Variants in TEP1 observed in about 807,000 individuals in gnomAD.
The protein encoded by TEP1 is telomerase associated protein 1.
A neutral mutation model predicts 306.3 loss-of-function variants in TEP1; 241 were observed. The ratio of observed to expected loss-of-function variants is 0.79; its 90% confidence interval spans 0.71 to 0.88. The LOEUF is 0.88. Ranked by LOEUF, TEP1 falls within the 40% of genes least tolerant of loss-of-function variation. The pLI is 0.00. For synonymous variants in TEP1, 1,289 were observed against 1,305.5 expected (o/e 0.99, Z 0.27); for missense variants, 3,051 against 3,276.1 (o/e 0.93, Z 1.68).
At position 20,396,616 on chromosome 14, in the gene TEP1, C is replaced by A; in HGVS notation, c.1659+5G>T. ...GCCCCATGGCTACCAGCCCCTCACACATACCGCATGCTGGAGTCTCTGGAG... is the reference window on the plus strand; with the variant it reads ...GCCCCATGGCTACCAGCCCCTCACAAATACCGCATGCTGGAGTCTCTGGAG... On this transcript the variant is annotated splice_donor_5th_base_variant and intron_variant, in intron 10 of 54. Coordinates refer to ENST00000262715, the MANE Select transcript of TEP1 (RefSeq NM_007110.5). The A allele has an allele frequency of 6.2e-7, 1 of 1,604,242 alleles. No homozygotes were observed. The highest frequency in any genetic ancestry group is 8.5e-7 in the Non-Finnish European group (1 of 1,171,968).
In TEP1 at chr14:20,380,917, G is replaced by A. The variant is rs1294943646; in HGVS notation, c.4762+14C>T. 1 of 1,607,188 alleles carries A rather than the reference G, an allele frequency of 6.2e-7. No homozygotes were observed. The highest frequency in any genetic ancestry group is 8.5e-7 in the Non-Finnish European group (1 of 1,173,878). On this transcript the variant is annotated intron_variant, in intron 33 of 54. Coordinates refer to ENST00000262715, the MANE Select transcript of TEP1 (RefSeq NM_007110.5). ...CATATCTCAGAGAAGAACCCAGCCA[G>A]TGACTCATCTCACCATAGAGGGCAT...
At position 20,381,629 on chromosome 14, in the gene TEP1, C is replaced by G. The variant is rs1382311386; in HGVS notation, c.4482G>C (p.Gly1494=). The stretch of plus-strand genomic sequence containing the variant: ...AACGTTTAGCTGCTGTTCTCAGGGG[C>G]CCATCAGGGAGGCACAGCCGGGCAC... ...RPGARLCLPD[G]PLRTAAKRCY... is the part of the protein sequence containing the mutation. The change falls in exon 31 of 55, where the codon GGG becomes GGC. Residue 1494 remains glycine (G), a synonymous_variant. Transcript: ENST00000262715. The surrounding 1 kb of genome is among the most constrained non-coding windows in gnomAD (Gnocchi z 4.0). The G allele has an allele frequency of 1.2e-6, 2 of 1,613,910 alleles. No individual in the cohort carries two copies. Among genetic ancestry groups the G allele is most frequent in the Non-Finnish European group, 1.7e-6 (2 of 1,179,958 alleles).
Position 20,407,616 on chromosome 14 carries a change from C to T in TEP1, c.567+257G>A, listed in dbSNP as rs368511489. 2.6e-5 allele frequency among the ~76,000 whole-genome samples: 4 copies of T among 152,360 alleles called. No individual in the cohort carries two copies. The East Asian group carries it at 5.8e-4, about 22-fold the overall frequency. On this transcript the variant is annotated intron_variant, in intron 2 of 54. Transcript: ENST00000262715. Reference sequence around the variant, plus strand: ...TTGGCCTCCCAAAGTGCTGGGATTACAGGCATGAGCCACCGCACCCAGCCA... The same window carrying T: ...TTGGCCTCCCAAAGTGCTGGGATTATAGGCATGAGCCACCGCACCCAGCCA...
At chr14:20,371,743 C>T in intron 49 of TEP1, 111 bp from the exon 50 acceptor site, 1 of 1,272,402 alleles carries the variant, frequency 7.9e-7, no homozygotes, top group Non-Finnish European at 1.1e-6. Flanking sequence ...CAAAATGTAT[C>T]ACCTTCCCTG....
In TEP1 at chr14:20,411,858, A is replaced by G. The variant is rs143540555; in HGVS notation, c.-25+1547T>C. 4.2e-3 allele frequency among the ~76,000 whole-genome samples: 641 copies of G among 152,188 alleles called. 9 individuals carry two copies. Among genetic ancestry groups the G allele is most frequent in the African/African-American group, 0.015 (609 of 41,520 alleles). ...CTGGGTGTGGTGGCTCACACCTGTA[A>G]TCCTAGCATTTTGGGAGGCTGAGGT... is the stretch of plus-strand genomic sequence containing the variant. On this transcript the variant is annotated intron_variant, in intron 1 of 54. Transcript: ENST00000262715.
intron 9 of TEP1, among the ~76,000 whole-genome samples, chr14:20,398,344 C>T (rs992403052): frequency 1.3e-5 from 2 of 148,264 alleles, no homozygotes; most frequent in Admixed American, 1.4e-4. Context: ...CGCCATTGCA[C>T]TCCAGCCTGG....
chr14:20,410,743 T>TC (rs1566489139), intron 1 of TEP1, among the ~76,000 whole-genome samples: 1 of 149,160 alleles, frequency 6.7e-6, no homozygotes, highest in African/African-American at 2.5e-5. Context: ...CCTGGCGGAC[T>TC]CCTTTTTTTT....
chr14:20,409,829 G>A (rs984083755), intron 1 of TEP1, among the ~76,000 whole-genome samples: 3 of 151,824 alleles, frequency 2.0e-5, no homozygotes, highest in African/African-American at 7.3e-5. Context: ...GACCATCCTG[G>A]CTAACACAGT....
At chr14:20,369,866 T>C in intron 51 of TEP1, 87 bp from the exon 52 acceptor site, 1 of 1,047,042 alleles carries the variant, frequency 9.6e-7, no homozygotes. Flanking sequence ...TCTGGGCTGG[T>C]CAGGAATTTT....
chr14:20,369,575 C>G lies in TEP1; in HGVS notation c.7425G>C (p.Glu2475Asp), dbSNP rs1480499070. 1 of 1,613,996 alleles carries G rather than the reference C, an allele frequency of 6.2e-7. No homozygotes were observed. Among genetic ancestry groups the G allele is most frequent in the African/African-American group, 1.3e-5 (1 of 74,910 alleles). Residue 2475 changes from glutamate (E) to aspartate (D), a missense_variant and splice_region_variant, in exon 53 of 55, where the codon GAG becomes GAC. This residue lies in a region of TEP1 where 1,540 missense variants were observed against 1,705.9 expected (regional missense o/e 0.90). Transcript: ENST00000262715. ...ISITQAKPESESSFLCASSDG... is the reference protein window; with the variant it reads ...ISITQAKPESDSSFLCASSDG... Reference sequence around the variant, plus strand: ...CAGAGCTGGCACACAAAAATGAGGACTCTGCCATTTTAAGGACAGAATTAG... The same window carrying G: ...CAGAGCTGGCACACAAAAATGAGGAGTCTGCCATTTTAAGGACAGAATTAG...
At position 20,405,444 on chromosome 14, in the gene TEP1, T is replaced by A; in HGVS notation, c.870+7A>T. ...ACACCCCCATCCCCTCCTTCACACC[T>A]CAATACCTTGAGGATAAACTCAGGC... On this transcript the variant is annotated splice_region_variant and intron_variant, in intron 4 of 54. Coordinates refer to ENST00000262715, the MANE Select transcript of TEP1 (RefSeq NM_007110.5). 1 of 1,613,288 alleles carries A rather than the reference T, an allele frequency of 6.2e-7. No homozygotes were observed. Among genetic ancestry groups the A allele is most frequent in the Non-Finnish European group, 8.5e-7 (1 of 1,179,782 alleles).
At position 20,372,376 on chromosome 14, in the gene TEP1, G is replaced by A. The variant is rs1208088906; in HGVS notation, c.7076+357C>T. On this transcript the variant is annotated intron_variant, in intron 49 of 54. Transcript: ENST00000262715. ...GCCCCAGGAATATGTGTGTGTGTGTGTGTATGTGTGTGTGTGTGTGTGTGT... is the reference window on the plus strand; with the variant it reads ...GCCCCAGGAATATGTGTGTGTGTGTATGTATGTGTGTGTGTGTGTGTGTGT... Among the ~76,000 whole-genome samples the A allele has an allele frequency of 5.8e-5, 5 of 86,550 alleles. No homozygotes were observed. In the East Asian group the frequency reaches 1.6e-3, roughly 28 times the overall value. The allele number at this position is 86,550 out of a possible 152,430, so 56.8% of individuals were successfully genotyped here.
At chr14:20,396,239 C>T (rs1479283431) in intron 10 of TEP1, among the ~76,000 whole-genome samples, 1 of 152,194 alleles carries the variant, frequency 6.6e-6, no homozygotes, top group Non-Finnish European at 1.5e-5. Context: ...GAGCCTTAGG[C>T]AGGTGGACTG....
intron 3 of TEP1, among the ~76,000 whole-genome samples, chr14:20,405,875 A>G (rs1371470386): frequency 6.6e-6 from 1 of 152,016 alleles, no homozygotes; most frequent in African/African-American, 2.4e-5. Context: ...TTAGCCAGGC[A>G]TGGCAGTGCA....
intron 16 of TEP1, 45 bp from the exon 17 acceptor site, chr14:20,389,342 G>A (rs889318610): frequency 4.4e-6 from 7 of 1,601,128 alleles, no homozygotes; most frequent in Middle Eastern, 3.3e-4. Flanking sequence ...AACAATACCT[G>A]GAACACAGTC....
intron 12 of TEP1, among the ~76,000 whole-genome samples, chr14:20,394,949 T>C (rs1878065448): frequency 6.6e-6 from 1 of 152,148 alleles, no homozygotes; most frequent in South Asian, 2.1e-4. Context: ...TGAGACTTCA[T>C]CAAGCCTACA....
intron 21 of TEP1, 30 bp from the exon 22 acceptor site, chr14:20,384,743 T>C (rs752684008): frequency 1.9e-6 from 3 of 1,598,904 alleles, no homozygotes; most frequent in East Asian, 2.2e-5. Context: ...AAAGTTGGAA[T>C]AGACTCAGAC....
chr14:20,409,125 A>T (rs536500848), intron 1 of TEP1, among the ~76,000 whole-genome samples: 1 of 152,322 alleles, frequency 6.6e-6, no homozygotes, highest in Non-Finnish European at 1.5e-5. Context: ...TTAGGTAACC[A>T]AGGAACTTTT....
Position 20,386,516 on chromosome 14 carries a change from G to A in TEP1, c.2792C>T (p.Pro931Leu), listed in dbSNP as rs763764878. The A allele has an allele frequency of 6.2e-7, 1 of 1,612,960 alleles. No individual in the cohort carries two copies. Among genetic ancestry groups the A allele is most frequent in the Non-Finnish European group, 8.5e-7 (1 of 1,179,480 alleles). The change falls in exon 19 of 55, where the codon CCT becomes CTT. Residue 931 changes from proline (P) to leucine (L), a missense_variant. Physicochemically the swap from Pro to Leu is moderately conservative, Grantham distance 98. Coordinates refer to ENST00000262715, the MANE Select transcript of TEP1 (RefSeq NM_007110.5). ...VLPALQARAAPHRISLHGIDL... is the reference protein window; with the variant it reads ...VLPALQARAALHRISLHGIDL... ...GATTCCGTGAAGGCTGATACGGTGAGGGGCCGCTCGGGCCTGCAGTGCTGG... is the reference window on the plus strand; with the variant it reads ...GATTCCGTGAAGGCTGATACGGTGAAGGGCCGCTCGGGCCTGCAGTGCTGG...
Sources: gnomAD v4.1 joint callset for allele counts (sites outside exome capture counted in the v4.1 genomes callset) on GRCh38, gnomAD v4.1.1 for gene constraint, gnomAD v4.1.1 regional missense constraint, Gnocchi (gnomAD v3.1) non-coding constraint, MANE v1.5 for transcripts, NCBI Gene and HGNC (gene_info 2026-07-23, HGNC 2026-07-21) for gene names.